The following UNC5D variants were observed in gnomAD, a reference collection of about 807,000 sequenced individuals.
UNC5D encodes unc-5 netrin receptor D.
UNC5D carries 39 observed loss-of-function variants against 105.4 expected under a neutral mutation model. The observed-to-expected ratio is 0.37, with a 90% CI of 0.29 to 0.48. UNC5D has a LOEUF of 0.48. UNC5D is among the 20% of genes least tolerant of loss of function. The pLI is 0.98. For synonymous variants in UNC5D, 452 were observed against 450.4 expected (o/e 1.00, Z -0.04); for missense variants, 991 against 1,202.4 (o/e 0.82, Z 2.60).
chr8:35,322,692 A>G (rs1193526713), intron 1 of UNC5D, among the ~76,000 whole-genome samples: 3 of 152,212 alleles, frequency 2.0e-5, no homozygotes, highest in Non-Finnish European at 4.4e-5. Context: ...GCCTCTTTAA[A>G]GAAAGTAAAG....
intron 16 of UNC5D, among the ~76,000 whole-genome samples, chr8:35,786,254 A>G (rs1318091377): frequency 6.6e-6 from 1 of 152,192 alleles, no homozygotes; most frequent in African/African-American, 2.4e-5. Context: ...TTTGAGATTT[A>G]TGTTGTGCTG....
At chr8:35,788,569 C>T (rs1388045531) in intron 16 of UNC5D, among the ~76,000 whole-genome samples, 1 of 152,008 alleles carries the variant, frequency 6.6e-6, no homozygotes, top group African/African-American at 2.4e-5. Context: ...AATTACTTGG[C>T]TGAAGAATGT....
chr8:35,775,175 C>A (rs1563753986), intron 16 of UNC5D, among the ~76,000 whole-genome samples: 2 of 152,128 alleles, frequency 1.3e-5, no homozygotes, highest in African/African-American at 4.8e-5. Flanking sequence ...CCTAAGCATT[C>A]TTTAACCCTT....
At chr8:35,483,094 C>T (rs959879160) in intron 1 of UNC5D, among the ~76,000 whole-genome samples, 4 of 151,950 alleles carry the variant, frequency 2.6e-5, no homozygotes, top group African/African-American at 9.7e-5. Context: ...TGAGCCACTG[C>T]ACCTGGCCCC....
chr8:35,393,193 C>T lies in UNC5D; in HGVS notation c.104-156099C>T, dbSNP rs567992784. On this transcript the variant is annotated intron_variant, in intron 1 of 16. Transcript: ENST00000404895. ...TGTCGCCCAGGCTGGAGTGCAGTGG[C>T]GCAATCTCGGCTCACTGCAGGCTCC... Among the ~76,000 whole-genome samples the T allele has an allele frequency of 4.1e-5, 5 of 122,022 alleles. No individual in the cohort carries two copies. The South Asian group carries it at 1.1e-3, about 27-fold the overall frequency. 80.1% of individuals were successfully genotyped at this position (122,022 alleles called of 152,430 possible).
At chr8:35,782,030 C>T (rs544039898) in intron 16 of UNC5D, among the ~76,000 whole-genome samples, 17 of 152,320 alleles carry the variant, frequency 1.1e-4, no homozygotes, top group African/African-American at 2.9e-4. Context: ...CCTTCCCTTT[C>T]GGGTTTTCCA....
chr8:35,462,253 C>T (rs772892007), intron 1 of UNC5D, among the ~76,000 whole-genome samples: 9 of 152,018 alleles, frequency 5.9e-5, no homozygotes, highest in Non-Finnish European at 1.2e-4. Flanking sequence ...AATTAAATTG[C>T]TCAAATATTT....
chr8:35,453,875 A>G (rs1236077309), intron 1 of UNC5D, among the ~76,000 whole-genome samples: 2 of 152,090 alleles, frequency 1.3e-5, no homozygotes, highest in East Asian at 3.9e-4. Flanking sequence ...GCCCACACTC[A>G]GTGAAAGGGG....
chr8:35,371,804 G>A (rs1020154287), intron 1 of UNC5D, among the ~76,000 whole-genome samples: 1 of 152,022 alleles, frequency 6.6e-6, no homozygotes, highest in African/African-American at 2.4e-5. Flanking sequence ...TGTGTATTAC[G>A]GTGTTTCCAC....
chr8:35,430,124 A>G (rs989776712), intron 1 of UNC5D, among the ~76,000 whole-genome samples: 6 of 152,048 alleles, frequency 3.9e-5, no homozygotes, highest in Admixed American at 2.6e-4. Context: ...TAAAAAGAAC[A>G]TGGCTTGACT....
chr8:35,461,389 G>A (rs925245754), intron 1 of UNC5D, among the ~76,000 whole-genome samples: 1 of 152,130 alleles, frequency 6.6e-6, no homozygotes, highest in African/African-American at 2.4e-5. Flanking sequence ...GTGAAAAAAG[G>A]AATACTCAGG....
At chr8:35,449,445 C>T (rs1391087492) in intron 1 of UNC5D, among the ~76,000 whole-genome samples, 1 of 152,188 alleles carries the variant, frequency 6.6e-6, no homozygotes, top group East Asian at 1.9e-4. Flanking sequence ...CCCCTCCACT[C>T]TACTGACCTG....
intron 1 of UNC5D, among the ~76,000 whole-genome samples, chr8:35,244,112 G>A (rs1197854229): frequency 6.6e-6 from 1 of 152,024 alleles, no homozygotes; most frequent in African/African-American, 2.4e-5. Context: ...CATTTTTAGG[G>A]GACTCACTTA....
Position 35,491,819 on chromosome 8 carries a change from C to G in UNC5D, c.104-57473C>G, listed in dbSNP as rs148691375. Among the ~76,000 whole-genome samples the G allele has an allele frequency of 1.7e-4, 26 of 152,090 alleles. 1 individual carries two copies. The highest frequency in any genetic ancestry group is 7.4e-5 in the Non-Finnish European group (5 of 68,018). Reference sequence around the variant, plus strand: ...TTTCTTATTTATTCTACTCTTAGACCTTTAGTTTCCAGAAACTGACCAGCT... The same window carrying G: ...TTTCTTATTTATTCTACTCTTAGACGTTTAGTTTCCAGAAACTGACCAGCT... On this transcript the variant is annotated intron_variant, in intron 1 of 16. Transcript: ENST00000404895.
intron 1 of UNC5D, among the ~76,000 whole-genome samples, chr8:35,237,791 T>C (rs1226311428): frequency 6.6e-6 from 1 of 152,216 alleles, no homozygotes; most frequent in Admixed American, 6.5e-5. Context: ...CCCATTCCCC[T>C]TAGCAACTGT....
intron 1 of UNC5D, among the ~76,000 whole-genome samples, chr8:35,315,785 C>G (rs1423339749): frequency 1.3e-5 from 2 of 152,150 alleles, no homozygotes; most frequent in Non-Finnish European, 2.9e-5. Context: ...AGTCACATAG[C>G]CAGTAAGTGG....
chr8:35,270,194 T>G (rs1805182247), intron 1 of UNC5D, among the ~76,000 whole-genome samples: 1 of 152,192 alleles, frequency 6.6e-6, no homozygotes, highest in Admixed American at 6.5e-5. Context: ...CCTCCTGTAC[T>G]GTTTGTGTTT....
At chr8:35,598,939 TTGAGACC>T (rs1819654013) in intron 4 of UNC5D, among the ~76,000 whole-genome samples, 1 of 151,856 alleles carries the variant, frequency 6.6e-6, no homozygotes, top group Non-Finnish European at 1.5e-5. Flanking sequence ...GGTCAGGAGT[TTGAGACC>T]AGCCTGCCTA....
chr8:35,643,523 G>C (rs1822875803), intron 4 of UNC5D, among the ~76,000 whole-genome samples: 1 of 152,116 alleles, frequency 6.6e-6, no homozygotes, highest in Non-Finnish European at 1.5e-5. Context: ...CACCATATTA[G>C]TATTTTTAGT....
Sources: allele counts gnomAD v4.1 joint callset (sites outside exome capture counted in the v4.1 genomes callset), GRCh38; gene constraint gnomAD v4.1.1; transcripts MANE v1.5; gene names NCBI Gene and HGNC (gene_info 2026-07-23, HGNC 2026-07-21).